The following DENND1A variants were observed in gnomAD, a reference collection of about 807,000 sequenced individuals.
DENND1A encodes the protein DENN domain containing 1A, also known as DENN domain-containing protein 1A.
A neutral mutation model predicts 113.7 loss-of-function variants in DENND1A; 51 were observed. That is an observed-to-expected ratio of 0.45 (90% CI 0.36 to 0.57). The LOEUF (loss-of-function observed/expected upper bound fraction) is 0.57, where lower values mean the gene tolerates loss of function less well. Among genes scored for constraint, DENND1A ranks in the 20% least tolerant of loss-of-function variants. DENND1A has a pLI of 0.00. For synonymous variants in DENND1A, 565 were observed against 570.8 expected (o/e 0.99, Z 0.14); for missense variants, 1,258 against 1,395.9 (o/e 0.90, Z 1.57).
intron 5 of DENND1A, among the ~76,000 whole-genome samples, chr9:123,681,186 A>G (rs1351766046): frequency 6.6e-6 from 1 of 152,024 alleles, no homozygotes; most frequent in Non-Finnish European, 1.5e-5. Context: ...CTGGCATGGG[A>G]TAAAGACAGC....
chr9:123,587,563 G>A (rs1357279878), intron 11 of DENND1A, among the ~76,000 whole-genome samples: 1 of 152,130 alleles, frequency 6.6e-6, no homozygotes. Context: ...ATATGGACAG[G>A]CGTCCCCCCA....
chr9:123,826,570 C>T (rs991219107), intron 2 of DENND1A, among the ~76,000 whole-genome samples: 2 of 152,164 alleles, frequency 1.3e-5, no homozygotes, highest in Admixed American at 1.3e-4. Context: ...ATTCCTCACA[C>T]CACATTCCAT....
At chr9:123,550,743 T>A (rs1316788415) in intron 13 of DENND1A, among the ~76,000 whole-genome samples, 1 of 152,234 alleles carries the variant, frequency 6.6e-6, no homozygotes. Context: ...GGTAAAAGAT[T>A]GTTTAAAAAA....
intron 1 of DENND1A, among the ~76,000 whole-genome samples, chr9:123,880,644 G>A (rs1393991460): frequency 6.6e-6 from 1 of 151,994 alleles, no homozygotes; most frequent in Non-Finnish European, 1.5e-5. Flanking sequence ...TCATTTCATC[G>A]TCATCATAAT....
chr9:123,582,598 A>G (rs1227860960), intron 12 of DENND1A, among the ~76,000 whole-genome samples: 1 of 151,810 alleles, frequency 6.6e-6, no homozygotes, highest in South Asian at 2.1e-4. Flanking sequence ...ACTGTGTTTC[A>G]CCATGTTAGC....
At chr9:123,396,050 AGGAGACGCACAG>A (rs1313979408) in intron 21 of DENND1A, among the ~76,000 whole-genome samples, 1 of 152,120 alleles carries the variant, frequency 6.6e-6, no homozygotes, top group East Asian at 1.9e-4. Flanking sequence ...CCGCCAGATC[AGGAGACGCACAG>A]GGGATTGTGG....
intron 5 of DENND1A, among the ~76,000 whole-genome samples, chr9:123,710,977 G>T (rs1360047331): frequency 6.6e-6 from 1 of 152,114 alleles, no homozygotes; most frequent in East Asian, 1.9e-4. Context: ...CCAGCCGGAA[G>T]AGATCTTTTT....
intron 13 of DENND1A, among the ~76,000 whole-genome samples, chr9:123,475,324 C>T (rs2133508173): frequency 6.6e-6 from 1 of 152,250 alleles, no homozygotes; most frequent in African/African-American, 2.4e-5. Flanking sequence ...TGGCCTGTTG[C>T]GTGGTTTAAA....
intron 13 of DENND1A, among the ~76,000 whole-genome samples, chr9:123,521,695 C>G (rs1203771200): frequency 6.6e-6 from 1 of 152,150 alleles, no homozygotes; most frequent in Admixed American, 6.5e-5. Context: ...GGAAGTGTGG[C>G]CCAATGAAAA....
chr9:123,888,860 T>C (rs770072404), intron 1 of DENND1A, among the ~76,000 whole-genome samples: 4 of 152,208 alleles, frequency 2.6e-5, no homozygotes, highest in Non-Finnish European at 4.4e-5. Context: ...TTTTGATGTT[T>C]GCATTGCGTT....
chr9:123,697,259 T>C (rs2065579133), intron 5 of DENND1A, among the ~76,000 whole-genome samples: 1 of 152,174 alleles, frequency 6.6e-6, no homozygotes, highest in Non-Finnish European at 1.5e-5. Flanking sequence ...AAACAAAGGT[T>C]TCTCTAGGCA....
At chr9:123,825,308 C>T (rs955137012) in intron 2 of DENND1A, among the ~76,000 whole-genome samples, 1 of 147,962 alleles carries the variant, frequency 6.8e-6, no homozygotes, top group African/African-American at 2.6e-5. Flanking sequence ...TGACACAGCT[C>T]TTCTTTTAAA....
chr9:123,395,304 A>G (rs889366268), intron 21 of DENND1A, among the ~76,000 whole-genome samples: 2 of 151,976 alleles, frequency 1.3e-5, no homozygotes, highest in African/African-American at 4.8e-5. Flanking sequence ...CGACAGACAA[A>G]TGGGTCCCGT....
intron 1 of DENND1A, among the ~76,000 whole-genome samples, chr9:123,887,731 C>T (rs533589468): frequency 3.3e-5 from 5 of 151,908 alleles, no homozygotes; most frequent in Admixed American, 2.0e-4. Context: ...CCTTGTGATG[C>T]CAAGAAAGCA....
chr9:123,542,074 GATAGT>G (rs2056331673), intron 13 of DENND1A, among the ~76,000 whole-genome samples: 1 of 152,206 alleles, frequency 6.6e-6, no homozygotes, highest in Non-Finnish European at 1.5e-5. Flanking sequence ...ACATCTGTTA[GATAGT>G]AATTGGTAGC....
chr9:123,914,271 T>TCTCA (rs1280778538), intron 1 of DENND1A, among the ~76,000 whole-genome samples: 1 of 151,272 alleles, frequency 6.6e-6, no homozygotes, highest in Non-Finnish European at 1.5e-5. Context: ...AGGCGCAGTG[T>TCTCA]CTCACCCCTG....
intron 2 of DENND1A, among the ~76,000 whole-genome samples, chr9:123,815,187 T>C (rs1837244092): frequency 6.6e-6 from 1 of 152,244 alleles, no homozygotes; most frequent in Non-Finnish European, 1.5e-5. Context: ...TTTACAGTTA[T>C]TTGCTCAAGA....
chr9:123,773,916 T>C (rs1039928851), intron 3 of DENND1A, among the ~76,000 whole-genome samples: 3 of 152,150 alleles, frequency 2.0e-5, no homozygotes, highest in Admixed American at 2.0e-4. Flanking sequence ...AATAAATGAA[T>C]GTATTTTAAA....
intron 13 of DENND1A, among the ~76,000 whole-genome samples, chr9:123,471,100 T>G (rs1446752832): frequency 1.3e-5 from 2 of 152,208 alleles, no homozygotes; most frequent in Non-Finnish European, 2.9e-5. Flanking sequence ...GTGAATGTGT[T>G]GTTTCTAGAT....
Sources: gnomAD v4.1 joint callset for allele counts (sites outside exome capture counted in the v4.1 genomes callset) on GRCh38, gnomAD v4.1.1 for gene constraint, MANE v1.5 for transcripts, NCBI Gene and HGNC (gene_info 2026-07-23, HGNC 2026-07-21) for gene names.